FER: variants seen among roughly 807,000 people sequenced by gnomAD.
The protein encoded by FER is tyrosine-protein kinase Fer.
Under a neutral mutation model 111.0 loss-of-function variants are expected in FER, and 63 were observed. The ratio of observed to expected loss-of-function variants is 0.57; its 90% CI spans 0.46 to 0.70. The LOEUF (loss-of-function observed/expected upper bound fraction) is 0.70, where lower values mean the gene tolerates loss of function less well. Among genes scored for constraint, FER ranks in the 30% least tolerant of loss-of-function variants. FER has a pLI of 0.00. For missense variants in FER, 914 were observed against 954.0 expected, an observed-to-expected ratio of 0.96 and a Z score of 0.55; for synonymous variants, 327 against 313.9, an observed-to-expected ratio of 1.04 and a Z score of -0.44.
chr5:109,052,361 G>T, intron 16 of FER: 1 of 1,587,062 alleles, frequency 6.3e-7, no homozygotes, highest in Non-Finnish European at 8.7e-7. Flanking sequence ...AGCAGGATTT[G>T]GAAAATGAAA....
chr5:109,180,930 T>G lies in FER; in HGVS notation c.2203+29T>G. The G allele has an allele frequency of 8.0e-6, 12 of 1,498,078 alleles. No homozygotes were observed. In the South Asian group the frequency reaches 1.3e-4, roughly 16 times the overall value. The allele number at this position is 1,498,078 out of a possible 1,614,324, so 92.8% of individuals were successfully genotyped here. A position where few individuals can be genotyped will look rare whatever the true frequency, so the allele number is the denominator to read the frequency against. The stretch of plus-strand genomic sequence containing the variant: ...AGAATAGACCACATTTTTTTTTTAA[T>G]GGTAAAAATGAACGGCATCAGCATA... On this transcript the variant is annotated intron_variant, in intron 18 of 19. Coordinates refer to ENST00000281092, the MANE Select transcript of FER (RefSeq NM_005246.4).
chr5:108,776,748 A>G (rs1183358532), intron 2 of FER, among the ~76,000 whole-genome samples: 11 of 152,220 alleles, frequency 7.2e-5, no homozygotes, highest in African/African-American at 2.2e-4. Context: ...TTAAATCAGT[A>G]TTTATGGTGA....
chr5:108,757,423 G>A (rs990786039), intron 1 of FER, among the ~76,000 whole-genome samples: 2 of 152,180 alleles, frequency 1.3e-5, no homozygotes, highest in Non-Finnish European at 2.9e-5. Context: ...AGTGGAGAGA[G>A]AATAAAGAGG....
chr5:109,151,958 A>C (rs970526048), intron 17 of FER, among the ~76,000 whole-genome samples: 3 of 152,106 alleles, frequency 2.0e-5, no homozygotes, highest in African/African-American at 7.2e-5. Context: ...TCTTAGGATC[A>C]ATGCAAGAAT....
At chr5:109,132,282 A>C (rs1752435718) in intron 17 of FER, among the ~76,000 whole-genome samples, 1 of 152,214 alleles carries the variant, frequency 6.6e-6, no homozygotes, top group South Asian at 2.1e-4. Flanking sequence ...AAATATAAGA[A>C]AGAGGAAATT....
chr5:108,841,900 T>C, intron 5 of FER: 1 of 358,898 alleles, frequency 2.8e-6, no homozygotes. Flanking sequence ...GGATTAGTAT[T>C]TTTGTATGTA....
chr5:108,897,000 A>G (rs182718642), intron 9 of FER, among the ~76,000 whole-genome samples: 8 of 152,292 alleles, frequency 5.3e-5, no homozygotes, highest in Admixed American at 5.2e-4. Context: ...TTCCCATTGA[A>G]GGCAGCCTCC....
rs193221933 is a variant in FER at position 108,864,488 on chromosome 5, C to G, written c.482-3279C>G. On this transcript the variant is annotated intron_variant, in intron 5 of 19. Coordinates refer to ENST00000281092, the MANE Select transcript of FER (RefSeq NM_005246.4). The stretch of plus-strand genomic sequence containing the variant: ...TAAATGAGGAATACTCAGATGGTTG[C>G]TGAGCCTAAGCAGAATGGCAACAGA... Among the ~76,000 whole-genome samples, 654 of 152,246 alleles carry G rather than the reference C, an allele frequency of 4.3e-3. 3 individuals carry two copies. Among genetic ancestry groups the G allele is most frequent in the Middle Eastern group, 6.8e-3 (2 of 294 alleles).
chr5:108,760,597 A>C (rs1207662219), intron 1 of FER, among the ~76,000 whole-genome samples: 1 of 152,130 alleles, frequency 6.6e-6, no homozygotes, highest in Non-Finnish European at 1.5e-5. Flanking sequence ...TTGCACTTTT[A>C]TGTTGAGATA....
chr5:108,976,791 C>T (rs961687186), intron 13 of FER, among the ~76,000 whole-genome samples: 3 of 152,106 alleles, frequency 2.0e-5, no homozygotes, highest in African/African-American at 4.8e-5. Context: ...CATCTGTTTA[C>T]AAGATGAATG....
intron 2 of FER, among the ~76,000 whole-genome samples, chr5:108,786,259 C>T (rs985559984): frequency 6.6e-6 from 1 of 152,208 alleles, no homozygotes; most frequent in African/African-American, 2.4e-5. Context: ...TATGCTGGTA[C>T]AGAGGGACTT....
chr5:109,100,112 G>A (rs1475460937), intron 16 of FER, among the ~76,000 whole-genome samples: 2 of 151,620 alleles, frequency 1.3e-5, no homozygotes, highest in African/African-American at 2.4e-5. Context: ...CAGTGATAAA[G>A]GAAAAAGTAT....
intron 17 of FER, among the ~76,000 whole-genome samples, chr5:109,167,100 A>AG: frequency 6.6e-6 from 1 of 152,280 alleles, no homozygotes; most frequent in South Asian, 2.1e-4. Flanking sequence ...CTTCTTATAG[A>AG]ATTGAACTCT....
Position 108,957,547 on chromosome 5 carries a change from T to C in FER, c.1534-1678T>C, listed in dbSNP as rs142359160. 1.5e-3 allele frequency among the ~76,000 whole-genome samples: 229 copies of C among 151,736 alleles called. 2 individuals are homozygous for C. The highest frequency in any genetic ancestry group is 5.1e-3 in the African/African-American group (212 of 41,510). On this transcript the variant is annotated intron_variant, in intron 12 of 19. Transcript: ENST00000281092. ...TTCATTATGGAAATCAGTATGGAGA[T>C]TTCTCAAAAAGCTATGATAGAACTG...
chr5:108,766,007 G>C (rs1752280661), intron 1 of FER, among the ~76,000 whole-genome samples: 1 of 151,138 alleles, frequency 6.6e-6, no homozygotes, highest in Non-Finnish European at 1.5e-5. Flanking sequence ...ATTGTTCACT[G>C]CAACCTCAAA....
intron 10 of FER, among the ~76,000 whole-genome samples, chr5:108,925,233 G>A (rs1173558674): frequency 1.3e-5 from 2 of 151,724 alleles, no homozygotes; most frequent in African/African-American, 4.8e-5. Context: ...TCTGGCTGGT[G>A]AGCTCAATTT....
At chr5:109,037,500 A>G in intron 14 of FER, 22 bp downstream of exon 14, 2 of 1,600,860 alleles carry the variant, frequency 1.2e-6, no homozygotes, top group Non-Finnish European at 1.7e-6. Flanking sequence ...ACTGAGCTAA[A>G]TAACCAGAAG....
chr5:108,837,382 T>A (rs1275094482), intron 5 of FER, among the ~76,000 whole-genome samples: 1 of 152,204 alleles, frequency 6.6e-6, no homozygotes, highest in East Asian at 1.9e-4. Flanking sequence ...AAGGTATCCC[T>A]TGCTAAATCA....
chr5:109,112,540 C>T (rs1749752190), intron 17 of FER, among the ~76,000 whole-genome samples: 1 of 152,130 alleles, frequency 6.6e-6, no homozygotes, highest in African/African-American at 2.4e-5. Context: ...TGAGAGAGAT[C>T]ACTATGCCCG....
Sources: allele counts gnomAD v4.1 joint callset (sites outside exome capture counted in the v4.1 genomes callset), GRCh38; gene constraint gnomAD v4.1.1; transcripts MANE v1.5; gene names NCBI Gene and HGNC (gene_info 2026-07-23, HGNC 2026-07-21).